Variants in IFT172 observed in about 807,000 individuals in gnomAD.
IFT172 encodes the protein intraflagellar transport protein 172 homolog.
Under a neutral mutation model 248.9 loss-of-function variants are expected in IFT172, and 164 were observed. The observed-to-expected ratio is 0.66, with a 90% CI of 0.58 to 0.75. The LOEUF is 0.75. Among genes scored for constraint, IFT172 ranks in the 30% least tolerant of loss-of-function variants. The pLI is 0.00. For missense variants in IFT172, 1,950 were observed against 2,192.4 expected (o/e 0.89, Z 2.21); for synonymous variants, 729 against 791.6 (o/e 0.92, Z 1.33).
Position 27,454,322 on chromosome 2 carries a change from A to G in IFT172, c.3530+32T>C, listed in dbSNP as rs1484334901. 1 of 1,613,592 alleles carries G rather than the reference A, an allele frequency of 6.2e-7. No homozygotes were observed. Among genetic ancestry groups the G allele is most frequent in the East Asian group, 2.2e-5 (1 of 44,890 alleles). ...AAGATCCTGGGACGGTGACTGGGGAAACAGTATTAAGGAATGTATGGGGTA... is the reference window on the plus strand; with the variant it reads ...AAGATCCTGGGACGGTGACTGGGGAGACAGTATTAAGGAATGTATGGGGTA... On this transcript the variant is annotated intron_variant, in intron 32 of 47. Coordinates refer to ENST00000260570, the MANE Select transcript of IFT172 (RefSeq NM_015662.3). The surrounding 1 kb of genome is among the most constrained non-coding windows in gnomAD (Gnocchi z 4.2).
intron 34 of IFT172, 37 bp from the exon 35 acceptor site, chr2:27,453,550 G>A: frequency 6.2e-7 from 1 of 1,611,574 alleles, no homozygotes; most frequent in African/African-American, 1.3e-5. Flanking sequence ...GGCATGGTAG[G>A]GGGGCAGCAT....
At chr2:27,489,446 C>G (rs1207366057) in intron 1 of IFT172, among the ~76,000 whole-genome samples, 169 bp downstream of exon 1, 1 of 152,232 alleles carries the variant, frequency 6.6e-6, no homozygotes, top group Admixed American at 6.5e-5. Context: ...GTCCTTAGCC[C>G]TGCATCTCGC....
rs1668317124 is a variant in IFT172, at chr2:27,481,037, G to A, written c.785+9C>T. 2 of 1,608,340 alleles carry A rather than the reference G, an allele frequency of 1.2e-6. No homozygotes were observed. Among genetic ancestry groups the A allele is most frequent in the African/African-American group, 1.3e-5 (1 of 74,878 alleles). On this transcript the variant is annotated intron_variant, in intron 8 of 47. Coordinates refer to ENST00000260570, the MANE Select transcript of IFT172 (RefSeq NM_015662.3). ...GTAGGCAGTAGATAAAACTGGAAAG[G>A]GGACTTACCTGTCATAACTTCCTAG...
At chr2:27,475,777 CTT>C (rs10712396) in intron 14 of IFT172, among the ~76,000 whole-genome samples, 15 of 147,606 alleles carry the variant, frequency 1.0e-4, no homozygotes, top group East Asian at 2.0e-4. Flanking sequence ...GAGTCCCATT[CTT>C]TTTTTTTTTT....
rs1300480432 is a variant in IFT172, at chr2:27,461,964, CAG to C, written c.2116-130_2116-129del. The C allele has an allele frequency of 3.5e-6, 3 of 851,082 alleles. No individual in the cohort carries two copies. The African/African-American group carries it at 5.1e-5, about 14-fold the overall frequency. 52.7% of individuals were successfully genotyped at this position (851,082 alleles called of 1,614,324 possible). Reference sequence around the variant, plus strand: ...AAAAGCCTTTTAACTACTATACCAACAGAAATACTGGGAAACTAAAAGAAGCT... The same window carrying C: ...AAAAGCCTTTTAACTACTATACCAACAAATACTGGGAAACTAAAAGAAGCT... On this transcript the variant is annotated intron_variant, in intron 20 of 47. Coordinates refer to ENST00000260570, the MANE Select transcript of IFT172 (RefSeq NM_015662.3).
At chr2:27,444,627 C>T in intron 47 of IFT172, 106 bp from the exon 48 acceptor site, 1 of 835,184 alleles carries the variant, frequency 1.2e-6, no homozygotes, top group South Asian at 1.5e-5. Flanking sequence ...GTAATCCCAC[C>T]CATCTTTCTA....
chr2:27,457,973 T>A lies in IFT172; in HGVS notation c.2979A>T (p.Leu993=), dbSNP rs1406376616. Residue 993 remains leucine (L), a synonymous_variant, in exon 28 of 48, where the codon CTA becomes CTT. Transcript: ENST00000260570. ...GATCAGGCTCTTGTACTGTCACATA[T>A]AGCCTGGGGAAGGAGATACATCTGG... ...KQGKYREAER[L]YVTVQEPDLA... The A allele has an allele frequency of 1.2e-6, 2 of 1,614,166 alleles. No homozygotes were observed. Among genetic ancestry groups the A allele is most frequent in the Admixed American group, 1.7e-5 (1 of 60,020 alleles).
chr2:27,483,635 T>G lies in IFT172; in HGVS notation c.427A>C (p.Asn143His), dbSNP rs1668543976. The change falls in exon 6 of 48, where the codon AAT becomes CAT. Residue 143 changes from asparagine (N) to histidine (H), a missense_variant. This residue lies in a region of IFT172 where 1,166 missense variants were observed against 1,254.1 expected (regional missense o/e 0.93). Coordinates refer to ENST00000260570, the MANE Select transcript of IFT172 (RefSeq NM_015662.3). The stretch of plus-strand genomic sequence containing the variant: ...GTCCCATAGATGGTAGATGATTTAT[T>G]AGTTTTGGTGTTTGCTAAACGAACC... ...GKVRLANTKT[N>H]KSSTIYGTES... 1 of 1,614,108 alleles carries G rather than the reference T, an allele frequency of 6.2e-7. No homozygotes were observed. Among genetic ancestry groups the G allele is most frequent in the African/African-American group, 1.3e-5 (1 of 74,944 alleles).
rs144131814 is a variant in IFT172, at chr2:27,465,716, C to T, written c.1829+30G>A. 9.0e-4 allele frequency: 1,447 copies of T among 1,613,720 alleles called. 16 individuals are homozygous for T. In the South Asian group the frequency reaches 0.012, roughly 14 times the overall value. On this transcript the variant is annotated intron_variant, in intron 17 of 47. Coordinates refer to ENST00000260570, the MANE Select transcript of IFT172 (RefSeq NM_015662.3). ...CCCTCTCAGAACCAGACTCTCCCAC[C>T]ACCTCACTGGTTATTGGCCAGCCTC... is the stretch of plus-strand genomic sequence containing the variant.
At chr2:27,474,402 T>C (rs1223273128) in intron 14 of IFT172, among the ~76,000 whole-genome samples, 2 of 151,978 alleles carry the variant, frequency 1.3e-5, no homozygotes, top group African/African-American at 2.4e-5. Context: ...GTTAAACATA[T>C]GGAAAAAAAT....
rs1396541917 is a variant in IFT172, at chr2:27,481,120, G to A, written c.711C>T (p.Asp237=). The A allele has an allele frequency of 6.2e-7, 1 of 1,613,934 alleles. No individual in the cohort carries two copies. The highest frequency in any genetic ancestry group is 1.7e-5 in the Admixed American group (1 of 60,010). The change falls in exon 8 of 48, where the codon GAC becomes GAT. Residue 237 remains aspartate, a synonymous_variant. Coordinates refer to ENST00000260570, the MANE Select transcript of IFT172 (RefSeq NM_015662.3). ...CTGTGGTGAACTCCCGCTCCTGAGGGTCACGGCTATAATCAAAAGTTTGTA... is the reference window on the plus strand; with the variant it reads ...CTGTGGTGAACTCCCGCTCCTGAGGATCACGGCTATAATCAAAAGTTTGTA... ...HMLQTFDYSR[D]PQEREFTTAV...
In IFT172 at chr2:27,444,417, C is replaced by T; in HGVS notation, c.*15G>A. ...TAATGAGGGAGAGGCCCTAACTCTT[C>T]CTCAGCTCTACCAACTACTGAAAGG... On this transcript the variant is annotated 3_prime_UTR_variant, in exon 48 of 48. Coordinates refer to ENST00000260570, the MANE Select transcript of IFT172 (RefSeq NM_015662.3). 2.5e-6 allele frequency: 4 copies of T among 1,570,350 alleles called. No individual in the cohort carries two copies. The highest frequency in any genetic ancestry group is 3.5e-6 in the Non-Finnish European group (4 of 1,142,576).
intron 23 of IFT172, 136 bp from the exon 24 acceptor site, chr2:27,459,965 C>T (rs961220816): frequency 2.6e-6 from 3 of 1,135,546 alleles, no homozygotes; most frequent in African/African-American, 3.1e-5. Context: ...ATCCTGAACA[C>T]ACGCACCAAG....
At chr2:27,461,638 T>C (rs140921724) in intron 21 of IFT172, 121 bp from the exon 22 acceptor site, 8 of 1,507,220 alleles carry the variant, frequency 5.3e-6, no homozygotes, top group Middle Eastern at 1.7e-4. Context: ...TCCTAACTCC[T>C]CACCACATCA....
At chr2:27,481,827 C>T (rs2148552318) in intron 7 of IFT172, among the ~76,000 whole-genome samples, 1 of 152,074 alleles carries the variant, frequency 6.6e-6, no homozygotes, top group Non-Finnish European at 1.5e-5. Flanking sequence ...GCGTGAGCCA[C>T]CACGCCCAGC....
chr2:27,448,789 G>A, intron 40 of IFT172, 126 bp downstream of exon 40: 1 of 690,988 alleles, frequency 1.4e-6, no homozygotes, highest in Non-Finnish European at 2.7e-6. Context: ...GATGCGTGGG[G>A]GGCTCTGGGC....
At chr2:27,472,153 A>C (rs1558398414) in intron 15 of IFT172, 97 bp downstream of exon 15, 1 of 830,006 alleles carries the variant, frequency 1.2e-6, no homozygotes. Flanking sequence ...CAGCAAAGAC[A>C]ATGTGCTCCA....
At chr2:27,459,634 G>A (rs936598699) in intron 24 of IFT172, 75 bp downstream of exon 24, 1 of 1,604,504 alleles carries the variant, frequency 6.2e-7, no homozygotes, top group African/African-American at 1.3e-5. Flanking sequence ...CTTCTTTAAG[G>A]CCTTGGTGTC....
chr2:27,453,100 C>G, intron 35 of IFT172: 3 of 499,158 alleles, frequency 6.0e-6, no homozygotes, highest in South Asian at 3.4e-5. Context: ...TCTCTGAACT[C>G]TACTTTAAAT....
Sources: gnomAD v4.1 joint callset for allele counts (sites outside exome capture counted in the v4.1 genomes callset) on GRCh38, gnomAD v4.1.1 for gene constraint, gnomAD v4.1.1 regional missense constraint, Gnocchi (gnomAD v3.1) non-coding constraint, MANE v1.5 for transcripts, NCBI Gene and HGNC (gene_info 2026-07-23, HGNC 2026-07-21) for gene names.